Variants in VMP1 observed in about 807,000 individuals in gnomAD.
VMP1 encodes vacuole membrane protein 1.
VMP1 carries 11 observed loss-of-function variants against 56.0 expected under a neutral mutation model. That is an observed-to-expected ratio of 0.20 (90% CI 0.12 to 0.32). The LOEUF is 0.32. Among genes scored for constraint, VMP1 ranks in the 10% least tolerant of loss-of-function variants. The pLI is 1.00. For missense variants in VMP1, 296 were observed against 490.3 expected (o/e 0.60, Z 3.74); for synonymous variants, 149 against 165.0 (o/e 0.90, Z 0.74).
At position 59,840,613 on chromosome 17, in the gene VMP1, C is replaced by T. The variant is rs1427203215; in HGVS notation, c.*702C>T. ...CCAAAATTGTGTCCGTTTTCTTGAG[C>T]GTTTTGATTTTTTACTTTTAGCTTA... On this transcript the variant is annotated 3_prime_UTR_variant, in exon 12 of 12. Transcript: ENST00000262291. 1 of 152,496 alleles carries T rather than the reference C, an allele frequency of 6.6e-6. No individual in the cohort carries two copies. Among genetic ancestry groups the T allele is most frequent in the East Asian group, 1.9e-4 (1 of 5,202 alleles). 9.4% of individuals were successfully genotyped at this position (152,496 alleles called of 1,614,324 possible).
chr17:59,774,193 A>C (rs2036537134), intron 7 of VMP1, among the ~76,000 whole-genome samples: 1 of 152,184 alleles, frequency 6.6e-6, no homozygotes, highest in African/African-American at 2.4e-5. Context: ...ATTTGTTTAG[A>C]GGTATTACCA....
At chr17:59,807,843 A>G (rs1031905804) in intron 7 of VMP1, among the ~76,000 whole-genome samples, 1 of 151,720 alleles carries the variant, frequency 6.6e-6, no homozygotes, top group Non-Finnish European at 1.5e-5. Flanking sequence ...AAAAAAAAAA[A>G]AAAAAAAAGA....
rs537621172 is a variant in VMP1, at chr17:59,781,388, C to G, written c.714+7503C>G. On this transcript the variant is annotated intron_variant, in intron 7 of 11. Coordinates refer to ENST00000262291, the MANE Select transcript of VMP1 (RefSeq NM_030938.5). ...GTAATAATCACTGTATTCCAGACTG[C>G]TTTCTTTGCATACATAACTTTTTAT... Among the ~76,000 whole-genome samples the G allele has an allele frequency of 2.0e-5, 3 of 152,290 alleles. No homozygotes were observed. The South Asian group carries it at 6.2e-4, about 32-fold the overall frequency.
At chr17:59,819,654 A>C (rs560580765) in intron 10 of VMP1, among the ~76,000 whole-genome samples, 1 of 152,282 alleles carries the variant, frequency 6.6e-6, no homozygotes, top group Non-Finnish European at 1.5e-5. Context: ...GGGTTTCACC[A>C]CATTGGTCAG....
intron 7 of VMP1, among the ~76,000 whole-genome samples, chr17:59,793,187 A>T (rs2037304062): frequency 9.6e-6 from 1 of 104,482 alleles, no homozygotes; most frequent in Non-Finnish European, 2.4e-5. Context: ...TAATTTTCTA[A>T]TTTTTTTTTT....
intron 10 of VMP1, among the ~76,000 whole-genome samples, chr17:59,828,021 CT>C (rs1330831873): frequency 6.8e-6 from 1 of 146,410 alleles, no homozygotes; most frequent in African/African-American, 2.5e-5. Context: ...GACACAACCT[CT>C]TTAAAAAAAA....
intron 10 of VMP1, among the ~76,000 whole-genome samples, chr17:59,827,645 C>A (rs531761549): frequency 6.6e-6 from 1 of 152,076 alleles, no homozygotes; most frequent in Non-Finnish European, 1.5e-5. Flanking sequence ...GTCTTCAAAC[C>A]AGTGCAGATC....
At position 59,714,386 on chromosome 17, in the gene VMP1, C is replaced by T. The variant is rs148890081; in HGVS notation, c.-27+6638C>T. 6.0e-3 allele frequency among the ~76,000 whole-genome samples: 911 copies of T among 152,158 alleles called. 6 individuals are homozygous for T. The highest frequency in any genetic ancestry group is 0.021 in the African/African-American group (859 of 41,492). ...AATTCATTCATAAGGGCAGAGCCTC[C>T]GTGACCCAATCACCTCTTAAAGGCC... On this transcript the variant is annotated intron_variant, in intron 1 of 11. Coordinates refer to ENST00000262291, the MANE Select transcript of VMP1 (RefSeq NM_030938.5).
intron 6 of VMP1, among the ~76,000 whole-genome samples, chr17:59,768,707 G>C (rs1471080545): frequency 6.6e-6 from 1 of 152,000 alleles, no homozygotes; most frequent in Non-Finnish European, 1.5e-5. Context: ...AATTCACCGG[G>C]CGCGGTGGCT....
At chr17:59,838,264 T>C in intron 10 of VMP1, 31 bp from the exon 11 acceptor site, 1 of 1,591,728 alleles carries the variant, frequency 6.3e-7, no homozygotes, top group South Asian at 1.1e-5. Flanking sequence ...AAATGTGTCT[T>C]TTTCTTTGGG....
chr17:59,779,505 T>C (rs1015104775), intron 7 of VMP1, among the ~76,000 whole-genome samples: 3 of 152,220 alleles, frequency 2.0e-5, no homozygotes, highest in Admixed American at 2.0e-4. Context: ...TTCTCTTACA[T>C]ATCCCTCACC....
intron 7 of VMP1, among the ~76,000 whole-genome samples, chr17:59,801,108 ATATATGTGTGTGTGTGTG>A (rs146846765): frequency 0.019 from 2,387 of 127,044 alleles, 122 homozygotes; most frequent in African/African-American, 0.091. Context: ...ATATATATAT[ATATATGTGTGTGTGTGTG>A]TGTGTGTGTG....
At chr17:59,809,126 A>C (rs913036420) in intron 8 of VMP1, among the ~76,000 whole-genome samples, 1 of 150,052 alleles carries the variant, frequency 6.7e-6, no homozygotes, top group Non-Finnish European at 1.5e-5. Context: ...CAGCCTCCCT[A>C]GTAGCTGGGA....
intron 7 of VMP1, among the ~76,000 whole-genome samples, chr17:59,802,561 A>G (rs1255724647): frequency 1.3e-5 from 2 of 152,078 alleles, no homozygotes; most frequent in Admixed American, 6.6e-5. Context: ...TTGGTTTTAC[A>G]TGTTTAGGGA....
chr17:59,831,393 A>C (rs1297415443), intron 10 of VMP1, among the ~76,000 whole-genome samples: 2 of 151,782 alleles, frequency 1.3e-5, no homozygotes, highest in Non-Finnish European at 2.9e-5. Context: ...GGCTGATCTC[A>C]AACTCTTGGC....
intron 2 of VMP1, among the ~76,000 whole-genome samples, chr17:59,734,723 G>A (rs921050511): frequency 1.4e-4 from 21 of 151,976 alleles, no homozygotes; most frequent in Non-Finnish European, 1.8e-4. Flanking sequence ...ACGGAATGGA[G>A]ACCCTGTCTC....
chr17:59,709,553 G>T (rs1317076561), intron 1 of VMP1, among the ~76,000 whole-genome samples: 1 of 152,042 alleles, frequency 6.6e-6, no homozygotes, highest in Non-Finnish European at 1.5e-5. Context: ...ATGAAAATAT[G>T]GTATCACTTT....
Position 59,839,887 on chromosome 17 carries a change from G to A in VMP1, c.1197G>A (p.Leu399=), listed in dbSNP as rs373537296. Residue 399 remains leucine (L), a synonymous_variant, in exon 12 of 12, where the codon TTG becomes TTA. Transcript: ENST00000262291. Reference sequence around the variant, plus strand: ...ATGCCAAACGAATCCAGCAGCGGTTGAACTCAGAGGAGAAAACTAAATAAG... The same window carrying A: ...ATGCCAAACGAATCCAGCAGCGGTTAAACTCAGAGGAGAAAACTAAATAAG... ...QSYAKRIQQR[L]NSEEKTK is the part of the protein sequence containing the mutation. 1.7e-4 allele frequency: 279 copies of A among 1,611,696 alleles called. 1 individual carries two copies. Among genetic ancestry groups the A allele is most frequent in the Middle Eastern group, 6.6e-4 (4 of 6,054 alleles).
At chr17:59,773,196 G>A (rs897790744) in intron 6 of VMP1, among the ~76,000 whole-genome samples, 4 of 151,610 alleles carry the variant, frequency 2.6e-5, no homozygotes, top group Admixed American at 1.3e-4. Context: ...TCTTGACCTC[G>A]GGATCCGCCC....
Sources: gnomAD v4.1 joint callset for allele counts (sites outside exome capture counted in the v4.1 genomes callset) on GRCh38, gnomAD v4.1.1 for gene constraint, MANE v1.5 for transcripts, NCBI Gene and HGNC (gene_info 2026-07-23, HGNC 2026-07-21) for gene names.